Variants in HYOU1 observed in about 807,000 individuals in gnomAD.
The protein encoded by HYOU1 is hypoxia up-regulated protein 1.
A neutral mutation model predicts 120.5 loss-of-function variants in HYOU1; 40 were observed. The observed-to-expected ratio is 0.33, with a 90% CI of 0.26 to 0.43. HYOU1 has a LOEUF of 0.43. Among genes scored for constraint, HYOU1 ranks in the 20% least tolerant of loss-of-function variants. The probability of loss-of-function intolerance (pLI) is 1.00; values close to 1 mark genes in which losing one functional copy is unlikely to be tolerated. For synonymous variants in HYOU1, 501 were observed against 479.4 expected, an observed-to-expected ratio of 1.05 and a Z score of -0.59; for missense variants, 1,085 against 1,278.3, an observed-to-expected ratio of 0.85 and a Z score of 2.31.
intron 24 of HYOU1, 103 bp from the exon 25 acceptor site, chr11:119,045,934 G>T: frequency 8.9e-7 from 1 of 1,123,980 alleles, no homozygotes; most frequent in African/African-American, 1.6e-5. Context: ...AATATTTTAG[G>T]ATGCATGTAC....
chr11:119,051,575 C>G lies in HYOU1; in HGVS notation c.1389G>C (p.Lys463Asn), dbSNP rs2133586021. The G allele has an allele frequency of 6.2e-7, 1 of 1,614,148 alleles. No homozygotes were observed. ...GAGAGAAGAGTACCCGTTTATTGTG[C>G]TTCAGGCTGTGAATCCCAGGCTCCT... ...VEEEPGIHSLKHNKRVLFSRM... is the reference protein window; with the variant it reads ...VEEEPGIHSLNHNKRVLFSRM... Residue 463 changes from lysine to asparagine, a missense_variant, in exon 13 of 26, where the codon AAG becomes AAC. By Grantham distance (94) the Lys-to-Asn change is moderately conservative. Coordinates refer to ENST00000617285, the MANE Select transcript of HYOU1 (RefSeq NM_006389.5). The surrounding 1 kb of genome is among the most constrained non-coding windows in gnomAD (Gnocchi z 4.2).
rs1944672253 is a variant in HYOU1, at chr11:119,055,108, G to A, written c.420-48C>T. On this transcript the variant is annotated intron_variant, in intron 5 of 25. Transcript: ENST00000617285. This position sits in a 1 kb window ranked among gnomAD's most constrained non-coding sequence, Gnocchi z 4.0. ...GAGCCAAGGAAAGCCAGGCATTAAG[G>A]CAGGACAATCAGGAACACACACCAA... 4 of 1,613,158 alleles carry A rather than the reference G, an allele frequency of 2.5e-6. No homozygotes were observed. The highest frequency in any genetic ancestry group is 1.3e-5 in the African/African-American group (1 of 74,910).
At position 119,046,473 on chromosome 11, in the gene HYOU1, AG is replaced by A. The variant is rs998680564; in HGVS notation, c.2837-7del. On this transcript the variant is annotated splice_region_variant and splice_polypyrimidine_tract_variant and intron_variant, in intron 23 of 25. Coordinates refer to ENST00000617285, the MANE Select transcript of HYOU1 (RefSeq NM_006389.5). ...CTCTGCATCTTCAGTCTGGCCTAGA[AG>A]GAAACCAGGGGTAAGACATAGCCTC... The A allele has an allele frequency of 1.9e-6, 3 of 1,614,044 alleles. No homozygotes were observed. In the African/African-American group the frequency reaches 4.0e-5, roughly 22 times the overall value.
Position 119,055,952 on chromosome 11 carries a change from CA to C in HYOU1, c.92-110del. On this transcript the variant is annotated intron_variant, in intron 2 of 25. Coordinates refer to ENST00000617285, the MANE Select transcript of HYOU1 (RefSeq NM_006389.5). This position sits in a 1 kb window ranked among gnomAD's most constrained non-coding sequence, Gnocchi z 4.0. ...ATGGGTAAACGAAGATGGCAAAAGA[CA>C]AAAAGGCCTGGACCTAACAACTCAA... 1 of 1,368,016 alleles carries C rather than the reference CA, an allele frequency of 7.3e-7. No homozygotes were observed. Among genetic ancestry groups the C allele is most frequent in the Non-Finnish European group, 1.0e-6 (1 of 960,084 alleles). The allele number at this position is 1,368,016 out of a possible 1,614,324, so 84.7% of individuals were successfully genotyped here.
In HYOU1 at chr11:119,049,049, T is replaced by C. The variant is rs2133569282; in HGVS notation, c.1961A>G (p.Glu654Gly). ...DATPEGEKAT[E>G]KENGDKSEAQ... is the part of the protein sequence containing the mutation. ...CTCAGACTTGTCCCCATTTTCTTTT[T>C]CTGTGGCCTTTTCTCCCTCAGGGGT... Residue 654 changes from glutamate (E) to glycine (G), a missense_variant, in exon 17 of 26, where the codon GAA becomes GGA. This residue lies in a region of HYOU1 where 516 missense variants were observed against 517.1 expected (regional missense o/e 1.00). Coordinates refer to ENST00000617285, the MANE Select transcript of HYOU1 (RefSeq NM_006389.5). The C allele has an allele frequency of 1.2e-6, 2 of 1,614,214 alleles. No homozygotes were observed. Among genetic ancestry groups the C allele is most frequent in the Non-Finnish European group, 1.7e-6 (2 of 1,180,030 alleles).
chr11:119,047,417 T>C (rs1335859189), intron 22 of HYOU1: 2 of 315,420 alleles, frequency 6.3e-6, no homozygotes, highest in Non-Finnish European at 1.2e-5. Context: ...CAAAACAGTT[T>C]CTGCTTCACA....
In HYOU1 at chr11:119,048,621, T is replaced by C; in HGVS notation, c.2166-58A>G. The C allele has an allele frequency of 1.2e-6, 2 of 1,609,366 alleles. No homozygotes were observed. The highest frequency in any genetic ancestry group is 2.2e-5 in the South Asian group (2 of 90,924). On this transcript the variant is annotated intron_variant, in intron 18 of 25. Coordinates refer to ENST00000617285, the MANE Select transcript of HYOU1 (RefSeq NM_006389.5). This position sits in a 1 kb window ranked among gnomAD's most constrained non-coding sequence, Gnocchi z 4.7. ...GAGGGCAAGTGAGAACTTGAGACTC[T>C]GGGTCCGACAGCCCTCCCTCCCAGG...
At position 119,049,042 on chromosome 11, in the gene HYOU1, T is replaced by G. The variant is rs926373716; in HGVS notation, c.1968A>C (p.Glu656Asp). ...TPEGEKATEK[E>D]NGDKSEAQKP... ...CCTGGGCCTCAGACTTGTCCCCATT[T>G]TCTTTTTCTGTGGCCTTTTCTCCCT... Residue 656 changes from glutamate to aspartate, a missense_variant, in exon 17 of 26, where the codon GAA (glutamate) becomes GAC (aspartate). Glu to Asp is a conservative substitution (Grantham distance 45, BLOSUM62 2). Around this residue, in one of 4 missense-constraint regions of HYOU1, gnomAD observed 516 missense variants for 517.1 expected, o/e 1.00. Coordinates refer to ENST00000617285, the MANE Select transcript of HYOU1 (RefSeq NM_006389.5). 6.2e-7 allele frequency: 1 copy of G among 1,614,198 alleles called. No homozygotes were observed. The highest frequency in any genetic ancestry group is 8.5e-7 in the Non-Finnish European group (1 of 1,180,038).
rs972914098 is a variant in HYOU1 at position 119,045,567 on chromosome 11, A to T, written c.*26T>A. ...GAAGTGGTGGGGGAAGGGGGTGGAGATGAATGGGGAAAACAGAGGTGGGGG... is the reference window on the plus strand; with the variant it reads ...GAAGTGGTGGGGGAAGGGGGTGGAGTTGAATGGGGAAAACAGAGGTGGGGG... On this transcript the variant is annotated 3_prime_UTR_variant, in exon 26 of 26. Transcript: ENST00000617285. The T allele has an allele frequency of 1.1e-5, 18 of 1,592,690 alleles. No homozygotes were observed. The highest frequency in any genetic ancestry group is 1.6e-5 in the Non-Finnish European group (18 of 1,160,334).
chr11:119,048,799 G>A lies in HYOU1; in HGVS notation c.2080C>T (p.Arg694Ter), dbSNP rs1356752485. Residue 694 changes from arginine to a stop codon, truncating the protein, a stop_gained, in exon 18 of 26, where the codon CGA becomes TGA. Coordinates refer to ENST00000617285, the MANE Select transcript of HYOU1 (RefSeq NM_006389.5). LOFTEE classifies it high-confidence loss of function. This position sits in a 1 kb window ranked among gnomAD's most constrained non-coding sequence, Gnocchi z 4.7. ...EKKQKPARKR[R>*]MVEEIGVELV... ...TCCACCCCGATCTCCTCTACCATTC[G>A]CCGCTTCCTGGCGGGCTTCTGCTTC... 5 of 1,613,930 alleles carry A rather than the reference G, an allele frequency of 3.1e-6. No individual in the cohort carries two copies. Among genetic ancestry groups the A allele is most frequent in the Non-Finnish European group, 4.2e-6 (5 of 1,180,014 alleles).
chr11:119,052,107 C>T lies in HYOU1; in HGVS notation c.1188G>A (p.Leu396=), dbSNP rs2133590415. The T allele has an allele frequency of 6.2e-7, 1 of 1,614,208 alleles. No individual in the cohort carries two copies. The highest frequency in any genetic ancestry group is 1.1e-5 in the South Asian group (1 of 91,092). ...ACACTCACTTGCCCACGGCCTTCAG[C>T]AGCACCTCCTGAACTCTGGGGACCC... The part of the protein sequence containing the change: ...ATRVPRVQEV[L]LKAVGKEELG... Residue 396 remains leucine (L), a synonymous_variant, in exon 11 of 26, where the codon CTG becomes CTA. Coordinates refer to ENST00000617285, the MANE Select transcript of HYOU1 (RefSeq NM_006389.5). This position sits in a 1 kb window ranked among gnomAD's most constrained non-coding sequence, Gnocchi z 5.0.
At chr11:119,054,426 G>C in intron 7 of HYOU1, 68 bp downstream of exon 7, 6 of 1,522,022 alleles carry the variant, frequency 3.9e-6, no homozygotes, top group Non-Finnish European at 5.4e-6. Flanking sequence ...AGATGCAAAA[G>C]GGACCAAGTG....
intron 22 of HYOU1, 53 bp from the exon 23 acceptor site, chr11:119,046,855 C>G: frequency 6.3e-6 from 10 of 1,579,562 alleles, no homozygotes; most frequent in Non-Finnish European, 8.5e-6. Context: ...GAGCAGACAT[C>G]TCTGTCCCAG....
At position 119,055,324 on chromosome 11, in the gene HYOU1, T is replaced by C. The variant is rs147753177; in HGVS notation, c.280A>G (p.Lys94Glu). 2 of 1,613,436 alleles carry C rather than the reference T, an allele frequency of 1.2e-6. No homozygotes were observed. The highest frequency in any genetic ancestry group is 1.3e-5 in the African/African-American group (1 of 74,880). ...SAASMAIKNP[K>E]ATLRYFQHLL... Reference sequence around the variant, plus strand: ...TGCTGGAAGTAACGTAGCGTAGCCTTTGGATTCTTAATCGCCTGAGGGGTG... The same window carrying C: ...TGCTGGAAGTAACGTAGCGTAGCCTCTGGATTCTTAATCGCCTGAGGGGTG... The change falls in exon 5 of 26, where the codon AAG becomes GAG. Residue 94 changes from lysine to glutamate, a missense_variant. Physicochemically the swap from Lys to Glu is moderately conservative, Grantham distance 56. Transcript: ENST00000617285. This position sits in a 1 kb window ranked among gnomAD's most constrained non-coding sequence, Gnocchi z 4.0.
rs2133584308 is a variant in HYOU1, at chr11:119,051,343, C to T, written c.1526+95G>A. ...TCATAGCTGCCCTGTTTCAGCCCCG[C>T]AGGCCCACATCCTCCCTCACCCCCA... is the stretch of plus-strand genomic sequence containing the variant. On this transcript the variant is annotated intron_variant, in intron 13 of 25. Coordinates refer to ENST00000617285, the MANE Select transcript of HYOU1 (RefSeq NM_006389.5). This position sits in a 1 kb window ranked among gnomAD's most constrained non-coding sequence, Gnocchi z 4.2. The T allele has an allele frequency of 2.0e-6, 3 of 1,501,550 alleles. No homozygotes were observed. In the African/African-American group the frequency reaches 4.1e-5, roughly 21 times the overall value. The allele number at this position is 1,501,550 out of a possible 1,614,324, so 93.0% of individuals were successfully genotyped here.
At position 119,045,550 on chromosome 11, in the gene HYOU1, G is replaced by T. The variant is rs782193367; in HGVS notation, c.*43C>A. 3 of 1,505,190 alleles carry T rather than the reference G, an allele frequency of 2.0e-6. No homozygotes were observed. The highest frequency in any genetic ancestry group is 1.4e-5 in the African/African-American group (1 of 72,942). 93.2% of individuals were successfully genotyped at this position (1,505,190 alleles called of 1,614,324 possible). On this transcript the variant is annotated 3_prime_UTR_variant, in exon 26 of 26. Coordinates refer to ENST00000617285, the MANE Select transcript of HYOU1 (RefSeq NM_006389.5). ...TCGATGTTAAATAAATAGAAGTGGTGGGGGAAGGGGGTGGAGATGAATGGG... is the reference window on the plus strand; with the variant it reads ...TCGATGTTAAATAAATAGAAGTGGTTGGGGAAGGGGGTGGAGATGAATGGG...
Position 119,052,491 on chromosome 11 carries a change from G to A in HYOU1, c.988-62C>T. On this transcript the variant is annotated intron_variant, in intron 9 of 25. Transcript: ENST00000617285. This position sits in a 1 kb window ranked among gnomAD's most constrained non-coding sequence, Gnocchi z 5.0. Reference sequence around the variant, plus strand: ...CAGCTCCCGCTCTCTTGGTGAGTAGGACAGAAACAAAAAGAATAGGTCTTT... The same window carrying A: ...CAGCTCCCGCTCTCTTGGTGAGTAGAACAGAAACAAAAAGAATAGGTCTTT... 6.2e-7 allele frequency: 1 copy of A among 1,609,542 alleles called. No individual in the cohort carries two copies. Among genetic ancestry groups the A allele is most frequent in the Non-Finnish European group, 8.5e-7 (1 of 1,177,546 alleles).
rs1943983181 is a variant in HYOU1 at position 119,045,008 on chromosome 11, G to A, written c.*585C>T. 9 of 423,892 alleles carry A rather than the reference G, an allele frequency of 2.1e-5. No individual in the cohort carries two copies. Among genetic ancestry groups the A allele is most frequent in the South Asian group, 1.3e-4 (8 of 63,158 alleles). The allele number at this position is 423,892 out of a possible 1,614,324, so 26.3% of individuals were successfully genotyped here. On this transcript the variant is annotated 3_prime_UTR_variant, in exon 26 of 26. Transcript: ENST00000617285. ...GGGGCAGAGAACTGCCCAATTTGCT[G>A]CAGGAAGCCAAGGAAACCCAGGGGG...
At chr11:119,046,326 G>A in intron 24 of HYOU1, 91 bp downstream of exon 24, 1 of 1,143,778 alleles carries the variant, frequency 8.7e-7, no homozygotes, top group Non-Finnish European at 1.3e-6. Context: ...TCAAGCTCAT[G>A]GGCTGTCTAG....
Sources: allele counts gnomAD v4.1 joint callset, GRCh38; gene constraint gnomAD v4.1.1; regional missense constraint gnomAD v4.1.1; non-coding constraint Gnocchi (gnomAD v3.1); transcripts MANE v1.5; gene names NCBI Gene and HGNC (gene_info 2026-07-23, HGNC 2026-07-21).